The following ARHGAP24 variants were observed in gnomAD, a reference collection of about 807,000 sequenced individuals.
The protein encoded by ARHGAP24 is Rho GTPase activating protein 24, also known as rho GTPase-activating protein 24.
A neutral mutation model predicts 76.4 loss-of-function variants in ARHGAP24; 50 were observed. That is an observed-to-expected ratio of 0.65 (90% CI 0.52 to 0.83). ARHGAP24 has a LOEUF of 0.83. Among genes scored for constraint, ARHGAP24 ranks in the 40% least tolerant of loss-of-function variants. ARHGAP24 has a pLI of 0.00. For missense variants in ARHGAP24, 930 were observed against 914.2 expected (o/e 1.02, Z -0.22); for synonymous variants, 345 against 323.3 (o/e 1.07, Z -0.72).
At chr4:85,768,082 T>G (rs1252673998) in intron 3 of ARHGAP24, among the ~76,000 whole-genome samples, 1 of 152,190 alleles carries the variant, frequency 6.6e-6, no homozygotes, top group Non-Finnish European at 1.5e-5. Flanking sequence ...GCGGCTGCTG[T>G]GTTGACCATG....
chr4:85,850,713 A>G lies in ARHGAP24; in HGVS notation c.269-72935A>G, dbSNP rs144485542. Among the ~76,000 whole-genome samples, 719 of 152,340 alleles carry G rather than the reference A, an allele frequency of 4.7e-3. 7 individuals are homozygous for G. The highest frequency in any genetic ancestry group is 0.016 in the African/African-American group (684 of 41,584). On this transcript the variant is annotated intron_variant, in intron 3 of 9. Coordinates refer to ENST00000395184, the MANE Select transcript of ARHGAP24 (RefSeq NM_001025616.3). ...GCCTTCATTTCATTACATACCCAGTAGTCATTCATGAGCAGGTTGTTCAGT... is the reference window on the plus strand; with the variant it reads ...GCCTTCATTTCATTACATACCCAGTGGTCATTCATGAGCAGGTTGTTCAGT...
At chr4:85,934,469 A>G (rs1050697967) in intron 4 of ARHGAP24, among the ~76,000 whole-genome samples, 6 of 152,138 alleles carry the variant, frequency 3.9e-5, no homozygotes, top group East Asian at 1.9e-4. Context: ...CTGTTTACCA[A>G]TTATATGCTC....
chr4:85,564,966 ATATAC>A (rs1485236082), intron 1 of ARHGAP24, among the ~76,000 whole-genome samples: 11 of 127,026 alleles, frequency 8.7e-5, no homozygotes, highest in African/African-American at 3.2e-4. Context: ...ATATATATAT[ATATAC>A]CCACACCCAC....
At chr4:85,741,934 A>G (rs982337561) in intron 3 of ARHGAP24, among the ~76,000 whole-genome samples, 4 of 152,344 alleles carry the variant, frequency 2.6e-5, no homozygotes, top group East Asian at 1.9e-4. Flanking sequence ...AAATAAAAAG[A>G]TCTACTCTTT....
chr4:85,592,974 C>T (rs891459185), intron 2 of ARHGAP24, among the ~76,000 whole-genome samples: 13 of 151,954 alleles, frequency 8.6e-5, no homozygotes, highest in African/African-American at 3.1e-4. Flanking sequence ...GTATACCTAG[C>T]AATGGGATTA....
At chr4:85,716,647 A>G (rs186036723) in intron 2 of ARHGAP24, among the ~76,000 whole-genome samples, 2 of 152,222 alleles carry the variant, frequency 1.3e-5, no homozygotes, top group African/African-American at 4.8e-5. Flanking sequence ...TTCTTTTGTC[A>G]CTCAGTATTC....
chr4:85,531,260 C>G (rs763144106), intron 1 of ARHGAP24, among the ~76,000 whole-genome samples: 2 of 151,968 alleles, frequency 1.3e-5, no homozygotes, highest in Non-Finnish European at 2.9e-5. Context: ...TGCCAAGATA[C>G]GTTGATGGTC....
In ARHGAP24 at chr4:85,972,064, C is replaced by T. The variant is rs187001208; in HGVS notation, c.628C>T (p.Leu210Phe). 15 of 1,614,058 alleles carry T rather than the reference C, an allele frequency of 9.3e-6. No homozygotes were observed. In the Admixed American group the frequency reaches 1.7e-4, roughly 18 times the overall value. The change falls in exon 6 of 10, where the codon CTT becomes TTT. Residue 210 changes from leucine (L) to phenylalanine (F), a missense_variant. By Grantham distance (22) the Leu-to-Phe change is conservative. Transcript: ENST00000395184. ...SNTDVHTVASLLKLYLRELPE... is the reference protein window; with the variant it reads ...SNTDVHTVASFLKLYLRELPE... Reference sequence around the variant, plus strand: ...CACAGATGTACACACGGTGGCATCACTTCTTAAGCTGTACCTCCGAGAACT... The same window carrying T: ...CACAGATGTACACACGGTGGCATCATTTCTTAAGCTGTACCTCCGAGAACT...
At chr4:85,690,838 C>G (rs1038740645) in intron 2 of ARHGAP24, among the ~76,000 whole-genome samples, 1 of 149,588 alleles carries the variant, frequency 6.7e-6, no homozygotes, top group African/African-American at 2.5e-5. Context: ...CAATTTTGCT[C>G]AGTTCTTCTC....
chr4:85,488,073 A>C (rs1207231752), intron 1 of ARHGAP24, among the ~76,000 whole-genome samples: 1 of 150,460 alleles, frequency 6.6e-6, no homozygotes, highest in African/African-American at 2.5e-5. Flanking sequence ...CGCCCGGCTA[A>C]TTTTTTGTTG....
chr4:85,556,485 C>T (rs1231883456), intron 1 of ARHGAP24, among the ~76,000 whole-genome samples: 2 of 152,106 alleles, frequency 1.3e-5, no homozygotes, highest in Non-Finnish European at 2.9e-5. Context: ...AGCAACCAGG[C>T]CCTTTGTTCC....
chr4:85,898,116 C>T (rs892605489), intron 3 of ARHGAP24, among the ~76,000 whole-genome samples: 5 of 149,576 alleles, frequency 3.3e-5, no homozygotes, highest in African/African-American at 1.2e-4. Flanking sequence ...TGGAAGGTCA[C>T]TAAATGAAAT....
intron 3 of ARHGAP24, among the ~76,000 whole-genome samples, chr4:85,856,163 G>A (rs1731545386): frequency 6.6e-6 from 1 of 152,082 alleles, no homozygotes; most frequent in African/African-American, 2.4e-5. Context: ...TCTAATGGGT[G>A]CATGGTGCTA....
At chr4:85,918,057 G>A (rs2148806620) in intron 3 of ARHGAP24, among the ~76,000 whole-genome samples, 1 of 151,972 alleles carries the variant, frequency 6.6e-6, no homozygotes, top group East Asian at 1.9e-4. Flanking sequence ...ACATAGTAGA[G>A]CATCCGAGAC....
intron 1 of ARHGAP24, among the ~76,000 whole-genome samples, 195 bp from the exon 2 acceptor site, chr4:85,570,321 TTCTCTC>T (rs901601963): frequency 1.1e-4 from 17 of 151,762 alleles, no homozygotes; most frequent in Non-Finnish European, 1.6e-4. Flanking sequence ...CTCTTTCTCT[TTCTCTC>T]TCTCTCTTTC....
At chr4:85,664,521 GCT>G (rs1464779579) in intron 2 of ARHGAP24, among the ~76,000 whole-genome samples, 29 of 150,244 alleles carry the variant, frequency 1.9e-4, no homozygotes, top group Admixed American at 1.1e-3. Flanking sequence ...CTTCAGTTCT[GCT>G]CTGATTTTAG....
chr4:85,860,372 C>G (rs1731819768), intron 3 of ARHGAP24, among the ~76,000 whole-genome samples: 1 of 152,012 alleles, frequency 6.6e-6, no homozygotes, highest in Non-Finnish European at 1.5e-5. Flanking sequence ...GATGGTCTCT[C>G]CAAAGACCAA....
intron 3 of ARHGAP24, among the ~76,000 whole-genome samples, chr4:85,760,852 T>A (rs1433806304): frequency 6.6e-6 from 1 of 152,208 alleles, no homozygotes; most frequent in Non-Finnish European, 1.5e-5. Context: ...AGCCCAACTG[T>A]GTCTCATGTA....
At chr4:85,477,478 A>G (rs1451684662) in intron 1 of ARHGAP24, among the ~76,000 whole-genome samples, 1 of 152,208 alleles carries the variant, frequency 6.6e-6, no homozygotes, top group East Asian at 1.9e-4. Context: ...TTTAAGTGTA[A>G]AAGTGTTTTT....
Sources: gnomAD v4.1 joint callset for allele counts (sites outside exome capture counted in the v4.1 genomes callset) on GRCh38, gnomAD v4.1.1 for gene constraint, MANE v1.5 for transcripts, NCBI Gene and HGNC (gene_info 2026-07-23, HGNC 2026-07-21) for gene names.